CDYL2: variants seen among roughly 807,000 people sequenced by gnomAD.
CDYL2 encodes chromodomain Y-like protein 2.
A neutral mutation model predicts 49.4 loss-of-function variants in CDYL2; 23 were observed. The ratio of observed to expected loss-of-function variants is 0.47; its 90% confidence interval spans 0.34 to 0.66. The LOEUF (loss-of-function observed/expected upper bound fraction) is 0.66. CDYL2 is among the 30% of genes least tolerant of loss of function. The pLI, the probability that CDYL2 is intolerant of heterozygous loss-of-function variation, is 0.01. For missense variants in CDYL2, 678 were observed against 656.4 expected (o/e 1.03, Z -0.36); for synonymous variants, 360 against 268.8 (o/e 1.34, Z -3.32).
At chr16:80,749,156 T>G (rs1304393803) in intron 1 of CDYL2, among the ~76,000 whole-genome samples, 1 of 152,210 alleles carries the variant, frequency 6.6e-6, no homozygotes, top group African/African-American at 2.4e-5. Context: ...TGTGTTTTAT[T>G]ATTTATACTT....
At chr16:80,669,744 C>G (rs944455104) in intron 2 of CDYL2, among the ~76,000 whole-genome samples, 2 of 152,282 alleles carry the variant, frequency 1.3e-5, no homozygotes, top group East Asian at 1.9e-4. Context: ...CCTGCATGGT[C>G]GCTGCAAAAG....
At chr16:80,659,253 G>A (rs139714588) in intron 2 of CDYL2, among the ~76,000 whole-genome samples, 9 of 152,252 alleles carry the variant, frequency 5.9e-5, no homozygotes, top group African/African-American at 1.7e-4. Context: ...AAATGTCAGC[G>A]TCATTAAAAA....
chr16:80,658,502 T>C (rs980888995), intron 2 of CDYL2, among the ~76,000 whole-genome samples: 2 of 152,164 alleles, frequency 1.3e-5, no homozygotes, highest in African/African-American at 2.4e-5. Flanking sequence ...ATTCTAAGAT[T>C]ATTTTATGAG....
chr16:80,624,928 G>A (rs928620359), intron 3 of CDYL2, among the ~76,000 whole-genome samples: 5 of 152,098 alleles, frequency 3.3e-5, no homozygotes, highest in South Asian at 2.1e-4. Context: ...AAAATATAAC[G>A]GAGAGATTAA....
chr16:80,663,802 A>G (rs551695823), intron 2 of CDYL2, among the ~76,000 whole-genome samples: 10 of 152,188 alleles, frequency 6.6e-5, no homozygotes, highest in Admixed American at 5.9e-4. Context: ...CATGTTGCCC[A>G]GACTGGTCTC....
chr16:80,715,848 C>T (rs1904780594), intron 1 of CDYL2, among the ~76,000 whole-genome samples: 1 of 152,210 alleles, frequency 6.6e-6, no homozygotes, highest in African/African-American at 2.4e-5. Context: ...CAGTGCCTGG[C>T]CCTTGTGCCC....
chr16:80,686,359 A>G (rs1309794611), intron 1 of CDYL2, among the ~76,000 whole-genome samples: 3 of 152,230 alleles, frequency 2.0e-5, no homozygotes, highest in Non-Finnish European at 2.9e-5. Context: ...AAAATTCCCA[A>G]TGTTGTACCC....
intron 1 of CDYL2, among the ~76,000 whole-genome samples, chr16:80,704,768 C>T (rs374223319): frequency 6.6e-6 from 1 of 152,152 alleles, no homozygotes; most frequent in African/African-American, 2.4e-5. Context: ...CAGTGGTCAG[C>T]GTGAGTAACA....
intron 1 of CDYL2, among the ~76,000 whole-genome samples, chr16:80,709,982 C>T (rs1453700145): frequency 8.7e-5 from 13 of 149,930 alleles, no homozygotes; most frequent in African/African-American, 2.7e-4. Flanking sequence ...GCCTGGAGTG[C>T]GGTGGTGCTA....
intron 1 of CDYL2, among the ~76,000 whole-genome samples, chr16:80,775,391 G>A (rs909475864): frequency 3.3e-5 from 5 of 151,804 alleles, no homozygotes; most frequent in African/African-American, 9.7e-5. Flanking sequence ...TAAATTAAAA[G>A]TTACGGGAAG....
At chr16:80,711,072 T>A (rs1393222289) in intron 1 of CDYL2, among the ~76,000 whole-genome samples, 1 of 152,220 alleles carries the variant, frequency 6.6e-6, no homozygotes, top group Non-Finnish European at 1.5e-5. Flanking sequence ...CTCACAAACA[T>A]GCAGGGCAAA....
In CDYL2 at chr16:80,712,187, GTGTGTATATATATA is replaced by G. The variant is rs1421070892; in HGVS notation, c.25-27072_25-27059del. ...TATATATATGTGTCTTTGTGTCTGT[GTGTGTATATATATA>G]TATATATATATATATCTCCAAACCA... On this transcript the variant is annotated intron_variant, in intron 1 of 6. Coordinates refer to ENST00000570137, the MANE Select transcript of CDYL2 (RefSeq NM_152342.4). Among the ~76,000 whole-genome samples the G allele has an allele frequency of 1.1e-3, 43 of 38,098 alleles. 1 individual carries two copies. Among genetic ancestry groups the G allele is most frequent in the Admixed American group, 7.9e-3 (23 of 2,896 alleles). The allele number at this position is 38,098 out of a possible 152,430, so 25.0% of individuals were successfully genotyped here. A position where few individuals can be genotyped will look rare whatever the true frequency, so the allele number is the denominator to read the frequency against.
intron 1 of CDYL2, among the ~76,000 whole-genome samples, chr16:80,712,556 G>A (rs571915406): frequency 2.6e-5 from 4 of 152,046 alleles, no homozygotes; most frequent in Non-Finnish European, 1.5e-5. Flanking sequence ...GATGGGGCAG[G>A]GGCGTCTCCT....
chr16:80,615,619 T>A (rs757950714), intron 4 of CDYL2, among the ~76,000 whole-genome samples: 7 of 152,130 alleles, frequency 4.6e-5, no homozygotes, highest in Non-Finnish European at 8.8e-5. Context: ...CATGACATCC[T>A]TCAGGAATGG....
intron 2 of CDYL2, among the ~76,000 whole-genome samples, chr16:80,653,161 T>C (rs990115030): frequency 1.3e-5 from 2 of 152,224 alleles, no homozygotes; most frequent in Admixed American, 1.3e-4. Context: ...TGTGAACCTA[T>C]AACTGGTTAA....
At chr16:80,712,191 GTATATATATATATATA>G (rs60399715) in intron 1 of CDYL2, among the ~76,000 whole-genome samples, 2 of 107,934 alleles carry the variant, frequency 1.9e-5, no homozygotes, top group East Asian at 4.9e-4. Context: ...GTCTGTGTGT[GTATATATATATATATA>G]TATATATATC....
intron 1 of CDYL2, among the ~76,000 whole-genome samples, chr16:80,702,195 C>CACACACACAA (rs979607955): frequency 6.6e-6 from 1 of 151,632 alleles, no homozygotes; most frequent in African/African-American, 2.4e-5. Flanking sequence ...CACACACACA[C>CACACACACAA]ACACACACAC....
intron 2 of CDYL2, among the ~76,000 whole-genome samples, chr16:80,660,558 G>C (rs1471631015): frequency 1.3e-5 from 2 of 152,140 alleles, no homozygotes; most frequent in East Asian, 3.8e-4. Flanking sequence ...AGGAATGAGA[G>C]AGGGAACAGA....
At chr16:80,607,075 T>C (rs1906370644) in intron 6 of CDYL2, among the ~76,000 whole-genome samples, 1 of 152,106 alleles carries the variant, frequency 6.6e-6, no homozygotes, top group South Asian at 2.1e-4. Context: ...TGGGGCAAAT[T>C]GGTGACCCTA....
Sources: allele counts gnomAD v4.1 joint callset (sites outside exome capture counted in the v4.1 genomes callset), GRCh38; gene constraint gnomAD v4.1.1; transcripts MANE v1.5; gene names NCBI Gene and HGNC (gene_info 2026-07-23, HGNC 2026-07-21).